Variants in WBP4 observed in about 807,000 individuals in gnomAD.
WBP4 encodes the protein WW domain-binding protein 4.
A neutral mutation model predicts 55.4 loss-of-function variants in WBP4; 37 were observed. The ratio of observed to expected loss-of-function variants is 0.67; its 90% CI spans 0.51 to 0.88. The LOEUF (loss-of-function observed/expected upper bound fraction) is 0.88, where lower values mean the gene tolerates loss of function less well. WBP4 is among the 40% of genes least tolerant of loss of function. The pLI, the probability that WBP4 is intolerant of heterozygous loss-of-function variation, is 0.00. For missense variants in WBP4, 398 were observed against 420.8 expected, an observed-to-expected ratio of 0.95 and a Z score of 0.47; for synonymous variants, 142 against 140.2, an observed-to-expected ratio of 1.01 and a Z score of -0.09.
chr13:41,061,558 G>A lies in WBP4; in HGVS notation c.-116G>A. The A allele has an allele frequency of 4.0e-6, 6 of 1,517,060 alleles. No homozygotes were observed. Among genetic ancestry groups the A allele is most frequent in the Non-Finnish European group, 5.5e-6 (6 of 1,100,252 alleles). 94.0% of individuals were successfully genotyped at this position (1,517,060 alleles called of 1,614,324 possible). On this transcript the variant is annotated 5_prime_UTR_variant, in exon 1 of 10. Transcript: ENST00000379487. ...GTCCCGGGGACTGAGTAAGGTGTCTGGATCGGAGGGAGGTTCGGGTGGGCA... is the reference window on the plus strand; with the variant it reads ...GTCCCGGGGACTGAGTAAGGTGTCTAGATCGGAGGGAGGTTCGGGTGGGCA...
chr13:41,071,844 C>G (rs757001658), intron 6 of WBP4, among the ~76,000 whole-genome samples: 1 of 151,890 alleles, frequency 6.6e-6, no homozygotes, highest in African/African-American at 2.4e-5. Context: ...AGTTAAAGAC[C>G]AGCCTGGCCA....
chr13:41,082,904 A>G lies in WBP4; in HGVS notation c.1121A>G (p.Asp374Gly). 1.9e-6 allele frequency: 3 copies of G among 1,614,070 alleles called. No homozygotes were observed. Among genetic ancestry groups the G allele is most frequent in the Non-Finnish European group, 8.5e-7 (1 of 1,179,970 alleles). The change falls in exon 10 of 10, where the codon GAT becomes GGT. Residue 374 changes from aspartate (D) to glycine (G), a missense_variant. By Grantham distance (94) the Asp-to-Gly change is moderately conservative. Coordinates refer to ENST00000379487, the MANE Select transcript of WBP4 (RefSeq NM_007187.5). ...TCTAGAAATTTAAGGCAACGAGGTGATGATCAATAGTTGCAGGAGAGCTTT... is the reference window on the plus strand; with the variant it reads ...TCTAGAAATTTAAGGCAACGAGGTGGTGATCAATAGTTGCAGGAGAGCTTT... ...GKSRNLRQRG[D>G]DQ
At chr13:41,068,527 C>T (rs200093388) in intron 4 of WBP4, 34 bp from the exon 5 acceptor site, 1 of 1,518,438 alleles carries the variant, frequency 6.6e-7, no homozygotes, top group Non-Finnish European at 8.8e-7. Context: ...ATAGTAGTTA[C>T]TATAGCTGCT....
chr13:41,068,822 A>C (rs1410923274), intron 5 of WBP4, 85 bp downstream of exon 5: 6 of 1,353,180 alleles, frequency 4.4e-6, no homozygotes, highest in Non-Finnish European at 5.8e-6. Context: ...TTTTTATCTA[A>C]TGTTGGAGCA....
At chr13:41,072,896 G>T (rs1878314423) in intron 7 of WBP4, 39 bp downstream of exon 7, 3 of 1,545,020 alleles carry the variant, frequency 1.9e-6, no homozygotes, top group African/African-American at 1.4e-5. Context: ...GTTTAAAATT[G>T]TACCTGGAAC....
intron 1 of WBP4, chr13:41,062,096 GTTTTT>G (rs60658317): frequency 2.1e-3 from 1,688 of 799,118 alleles, no homozygotes; most frequent in Middle Eastern, 3.4e-3. Context: ...TAGCGTAATG[GTTTTT>G]TTTTTTTTTT....
chr13:41,073,039 C>T (rs1331186173), intron 7 of WBP4, among the ~76,000 whole-genome samples, 182 bp downstream of exon 7: 3 of 152,192 alleles, frequency 2.0e-5, no homozygotes, highest in Non-Finnish European at 2.9e-5. Flanking sequence ...GATTTATATT[C>T]GTATTATGTT....
chr13:41,074,960 A>C (rs1211044362), intron 7 of WBP4, among the ~76,000 whole-genome samples: 10 of 152,200 alleles, frequency 6.6e-5, no homozygotes, highest in Admixed American at 6.5e-4. Context: ...ACGCCAAATA[A>C]ATAAATAAAA....
At chr13:41,066,133 T>C (rs1404448228) in intron 4 of WBP4, among the ~76,000 whole-genome samples, 7 of 152,232 alleles carry the variant, frequency 4.6e-5, no homozygotes, top group Admixed American at 4.6e-4. Context: ...TAAAGCCATA[T>C]GTTCATCTTG....
chr13:41,083,161 T>C lies in WBP4; in HGVS notation c.*247T>C, dbSNP rs1287807069. 3 of 358,112 alleles carry C rather than the reference T, an allele frequency of 8.4e-6. No individual in the cohort carries two copies. Among genetic ancestry groups the C allele is most frequent in the African/African-American group, 6.2e-5 (3 of 48,754 alleles). 22.2% of individuals were successfully genotyped at this position (358,112 alleles called of 1,614,324 possible). ...TGTCTAAAAACTGCTAATTAAGTCA[T>C]AATTTAAGATGCTATGTATCTGTTA... On this transcript the variant is annotated 3_prime_UTR_variant, in exon 10 of 10. Coordinates refer to ENST00000379487, the MANE Select transcript of WBP4 (RefSeq NM_007187.5).
chr13:41,081,765 G>A (rs886541211), intron 9 of WBP4, among the ~76,000 whole-genome samples: 1 of 152,152 alleles, frequency 6.6e-6, no homozygotes, highest in African/African-American at 2.4e-5. Context: ...TTTGAGCTAT[G>A]ATGGCACCAC....
At chr13:41,071,132 G>A (rs991673106) in intron 5 of WBP4, among the ~76,000 whole-genome samples, 8 of 152,054 alleles carry the variant, frequency 5.3e-5, no homozygotes, top group African/African-American at 1.9e-4. Flanking sequence ...CATGATACAT[G>A]TTTTTAATTT....
intron 6 of WBP4, 67 bp from the exon 7 acceptor site, chr13:41,072,715 G>C: frequency 9.7e-6 from 14 of 1,449,468 alleles, no homozygotes; most frequent in Non-Finnish European, 1.2e-5. Context: ...GTGGCTGACT[G>C]TCTGAGTTAT....
At chr13:41,073,134 A>G (rs1247723136) in intron 7 of WBP4, among the ~76,000 whole-genome samples, 1 of 152,220 alleles carries the variant, frequency 6.6e-6, no homozygotes, top group Non-Finnish European at 1.5e-5. Flanking sequence ...TGACATTACT[A>G]TTTTTATAAT....
At chr13:41,082,338 TC>T (rs1356051770) in intron 9 of WBP4, among the ~76,000 whole-genome samples, 1 of 152,078 alleles carries the variant, frequency 6.6e-6, no homozygotes, top group Non-Finnish European at 1.5e-5. Flanking sequence ...ATCTCGAAAC[TC>T]CTGAGCTCAA....
At position 41,083,794 on chromosome 13, in the gene WBP4, A is replaced by G. The variant is rs1878891713; in HGVS notation, c.*880A>G. On this transcript the variant is annotated 3_prime_UTR_variant, in exon 10 of 10. Coordinates refer to ENST00000379487, the MANE Select transcript of WBP4 (RefSeq NM_007187.5). ...GTTTTTAGTGTTTACTTAAATTAGT[A>G]ATTTCTCACTTTCTGTCTGGTTAAA... 1 of 152,204 alleles carries G rather than the reference A, an allele frequency of 6.6e-6. No homozygotes were observed. Among genetic ancestry groups the G allele is most frequent in the African/African-American group, 2.4e-5 (1 of 41,448 alleles). 9.4% of individuals were successfully genotyped at this position (152,204 alleles called of 1,614,324 possible).
At chr13:41,070,689 C>T (rs925607478) in intron 5 of WBP4, among the ~76,000 whole-genome samples, 3 of 151,900 alleles carry the variant, frequency 2.0e-5, no homozygotes, top group African/African-American at 7.3e-5. Context: ...ATATGTTAGC[C>T]TTTAGGAGTA....
At chr13:41,080,454 A>G (rs931169289) in intron 8 of WBP4, among the ~76,000 whole-genome samples, 192 bp from the exon 9 acceptor site, 4 of 152,200 alleles carry the variant, frequency 2.6e-5, no homozygotes, top group African/African-American at 9.6e-5. Flanking sequence ...TTGTCATGGT[A>G]TATCAACATT....
chr13:41,077,338 T>C (rs923296531), intron 8 of WBP4, among the ~76,000 whole-genome samples: 1 of 152,042 alleles, frequency 6.6e-6, no homozygotes, highest in African/African-American at 2.4e-5. Flanking sequence ...ATAAAAGCCA[T>C]ATATGAGGCC....
Sources: allele counts gnomAD v4.1 joint callset (sites outside exome capture counted in the v4.1 genomes callset), GRCh38; gene constraint gnomAD v4.1.1; transcripts MANE v1.5; gene names NCBI Gene and HGNC (gene_info 2026-07-23, HGNC 2026-07-21).